CDK6: variants seen among roughly 807,000 people sequenced by gnomAD.
CDK6 encodes cyclin-dependent kinase 6.
CDK6 carries 6 observed loss-of-function variants against 37.1 expected under a neutral mutation model. The ratio of observed to expected loss-of-function variants is 0.16; its 90% CI spans 0.09 to 0.32. The LOEUF (loss-of-function observed/expected upper bound fraction) is 0.32. Ranked by LOEUF, CDK6 falls within the 10% of genes least tolerant of loss-of-function variation. CDK6 has a pLI of 1.00. For synonymous variants in CDK6, 160 were observed against 161.3 expected (o/e 0.99, Z 0.06); for missense variants, 224 against 418.9 (o/e 0.53, Z 4.06).
intron 5 of CDK6, among the ~76,000 whole-genome samples, chr7:92,667,543 A>T (rs2116594905): frequency 6.8e-6 from 1 of 147,128 alleles, no homozygotes; most frequent in African/African-American, 2.6e-5. Context: ...AAGTTAAAAA[A>T]TTTAAAAAGT....
intron 2 of CDK6, among the ~76,000 whole-genome samples, chr7:92,823,961 C>T (rs2115993718): frequency 6.6e-6 from 1 of 152,142 alleles, no homozygotes; most frequent in East Asian, 1.9e-4. Flanking sequence ...GCCACTGTGC[C>T]TGGCCTTCTT....
chr7:92,645,545 G>A (rs911779211), intron 5 of CDK6, among the ~76,000 whole-genome samples: 4 of 152,212 alleles, frequency 2.6e-5, no homozygotes, highest in Non-Finnish European at 5.9e-5. Context: ...CCTGCAACCC[G>A]GGGAGGGGGC....
chr7:92,772,618 C>T (rs1207680144), intron 3 of CDK6, among the ~76,000 whole-genome samples: 2 of 152,094 alleles, frequency 1.3e-5, no homozygotes, highest in African/African-American at 4.8e-5. Flanking sequence ...GCCTCCAGCT[C>T]CATCCTGGCT....
chr7:92,693,000 T>TC, intron 4 of CDK6, among the ~76,000 whole-genome samples: 1 of 152,338 alleles, frequency 6.6e-6, no homozygotes, highest in African/African-American at 2.4e-5. Context: ...CAATATTTTT[T>TC]CATCTTTGCT....
chr7:92,624,943 T>C (rs868368726), intron 5 of CDK6, among the ~76,000 whole-genome samples: 1 of 152,188 alleles, frequency 6.6e-6, no homozygotes, highest in Middle Eastern at 3.4e-3. Context: ...CCTCTCCTTT[T>C]ATTTCTTTTT....
In CDK6 at chr7:92,609,300, T is replaced by G. The variant is rs988262508; in HGVS notation, c.*5840A>C. 1 of 232,434 alleles carries G rather than the reference T, an allele frequency of 4.3e-6. No individual in the cohort carries two copies. Among genetic ancestry groups the G allele is most frequent in the Middle Eastern group, 1.2e-3 (1 of 804 alleles). The allele number at this position is 232,434 out of a possible 1,614,324, so 14.4% of individuals were successfully genotyped here. A position where few individuals can be genotyped will look rare whatever the true frequency, so the allele number is the denominator to read the frequency against. ...GAGAAAGGTGACCTCTAAAATTAAC[T>G]TAATCATTTGGGGTATAAGAAGTCT... On this transcript the variant is annotated 3_prime_UTR_variant, in exon 8 of 8. Transcript: ENST00000424848.
chr7:92,710,509 G>T (rs1240878474), intron 4 of CDK6, among the ~76,000 whole-genome samples: 2 of 152,100 alleles, frequency 1.3e-5, no homozygotes, highest in Non-Finnish European at 2.9e-5. Context: ...AGCACCAATT[G>T]CAGAATTACC....
rs955769847 is a variant in CDK6, at chr7:92,605,891, G to A, written c.*9249C>T. 5.1e-5 allele frequency: 12 copies of A among 233,540 alleles called. No individual in the cohort carries two copies. Among genetic ancestry groups the A allele is most frequent in the South Asian group, 3.6e-4 (2 of 5,534 alleles). 14.5% of individuals were successfully genotyped at this position (233,540 alleles called of 1,614,324 possible). ...TGGTAACTCTCAATCTGTGTACAGA[G>A]AAAAGAGAAGCAACATCTGATACAA... On this transcript the variant is annotated 3_prime_UTR_variant, in exon 8 of 8. Transcript: ENST00000424848.
At chr7:92,670,058 C>T (rs543842438) in intron 5 of CDK6, among the ~76,000 whole-genome samples, 13 of 152,300 alleles carry the variant, frequency 8.5e-5, no homozygotes, top group South Asian at 4.1e-4. Context: ...TTTTTCTCCC[C>T]GCTCCTTGGG....
chr7:92,704,508 C>T (rs1249780905), intron 4 of CDK6, among the ~76,000 whole-genome samples: 3 of 152,078 alleles, frequency 2.0e-5, no homozygotes, highest in Non-Finnish European at 4.4e-5. Flanking sequence ...TTTTTCATTT[C>T]CTTCCTTAAA....
chr7:92,660,159 A>T (rs1796803366), intron 5 of CDK6, among the ~76,000 whole-genome samples: 1 of 152,224 alleles, frequency 6.6e-6, no homozygotes, highest in Admixed American at 6.5e-5. Context: ...CTAAGAAACA[A>T]CACCGTGCTC....
At chr7:92,738,547 G>A (rs1260267474) in intron 3 of CDK6, among the ~76,000 whole-genome samples, 1 of 151,780 alleles carries the variant, frequency 6.6e-6, no homozygotes, top group African/African-American at 2.4e-5. Context: ...GCTGAGGCAG[G>A]AGACTCGCTT....
At chr7:92,744,255 G>A (rs1799002241) in intron 3 of CDK6, among the ~76,000 whole-genome samples, 1 of 152,152 alleles carries the variant, frequency 6.6e-6, no homozygotes, top group Admixed American at 6.5e-5. Context: ...GGCTGGGGAG[G>A]CCTCACAATC....
intron 5 of CDK6, among the ~76,000 whole-genome samples, chr7:92,659,476 G>A (rs1796787033): frequency 6.6e-6 from 1 of 152,048 alleles, no homozygotes; most frequent in Non-Finnish European, 1.5e-5. Flanking sequence ...GCAGCTACTA[G>A]AAAATTCAAA....
chr7:92,751,329 G>A (rs1009559457), intron 3 of CDK6, among the ~76,000 whole-genome samples: 1 of 151,836 alleles, frequency 6.6e-6, no homozygotes, highest in Non-Finnish European at 1.5e-5. Context: ...AGAAGTGTTC[G>A]AGATACATTT....
At chr7:92,743,593 A>T (rs1798984716) in intron 3 of CDK6, among the ~76,000 whole-genome samples, 1 of 152,150 alleles carries the variant, frequency 6.6e-6, no homozygotes, top group Non-Finnish European at 1.5e-5. Flanking sequence ...CCCAAAGTCC[A>T]GTAGCTTGTA....
intron 4 of CDK6, among the ~76,000 whole-genome samples, chr7:92,677,806 T>G (rs1797241482): frequency 6.6e-6 from 1 of 152,208 alleles, no homozygotes; most frequent in Non-Finnish European, 1.5e-5. Flanking sequence ...GAAATTTTAA[T>G]TATCTCAAAT....
At chr7:92,701,804 G>A (rs552946791) in intron 4 of CDK6, 3 of 152,412 alleles carry the variant, frequency 2.0e-5, no homozygotes, top group Admixed American at 6.5e-5. Flanking sequence ...ATGTGCTGCC[G>A]AAGCGAGCAC....
chr7:92,667,558 T>A (rs1796987038), intron 5 of CDK6, among the ~76,000 whole-genome samples: 1 of 151,710 alleles, frequency 6.6e-6, no homozygotes, highest in Non-Finnish European at 1.5e-5. Context: ...AAAAGTTTTT[T>A]TTTTTTTTTG....
Sources: allele counts gnomAD v4.1 joint callset (sites outside exome capture counted in the v4.1 genomes callset), GRCh38; gene constraint gnomAD v4.1.1; transcripts MANE v1.5; gene names NCBI Gene and HGNC (gene_info 2026-07-23, HGNC 2026-07-21).